USP6: variants seen among roughly 807,000 people sequenced by gnomAD.
USP6 encodes ubiquitin carboxyl-terminal hydrolase 6.
USP6 carries 128 observed loss-of-function variants against 175.7 expected under a neutral mutation model. The observed-to-expected ratio is 0.73, with a 90% CI of 0.63 to 0.84. USP6 has a LOEUF of 0.84. Among genes scored for constraint, USP6 ranks in the 40% least tolerant of loss-of-function variants. USP6 has a pLI of 0.00. For synonymous variants in USP6, 562 were observed against 630.6 expected, an observed-to-expected ratio of 0.89 and a Z score of 1.63; for missense variants, 1,498 against 1,760.3, an observed-to-expected ratio of 0.85 and a Z score of 2.67.
At chr17:5,163,441 G>A (rs4303608) in intron 33 of USP6, among the ~76,000 whole-genome samples, 72,639 of 151,848 alleles carry the variant, frequency 0.48, 20,167 homozygotes, top group Non-Finnish European at 0.64. Flanking sequence ...CTAACAGCCC[G>A]CTCTCTTGGA....
intron 22 of USP6, 89 bp downstream of exon 22, chr17:5,139,763 A>G: frequency 6.3e-7 from 1 of 1,595,846 alleles, no homozygotes; most frequent in Non-Finnish European, 8.5e-7. Flanking sequence ...CGACCGGGAT[A>G]CCTCCTTTGC....
chr17:5,123,041 G>A, intron 4 of USP6: 1 of 153,506 alleles, frequency 6.5e-6, no homozygotes, highest in South Asian at 1.8e-4. Flanking sequence ...GGGCGGCTGC[G>A]CAGGGCTGGA....
chr17:5,137,892 C>G (rs2073309537), intron 20 of USP6, 142 bp downstream of exon 20: 2 of 1,550,256 alleles, frequency 1.3e-6, no homozygotes, highest in Non-Finnish European at 1.7e-6. Context: ...GGGCAGGGCA[C>G]TGTGACACCG....
In USP6 at chr17:5,173,132, A is replaced by G; in HGVS notation, c.*154A>G. The G allele has an allele frequency of 1.0e-6, 1 of 1,004,206 alleles. No homozygotes were observed. Among genetic ancestry groups the G allele is most frequent in the Non-Finnish European group, 1.4e-6 (1 of 700,348 alleles). The allele number at this position is 1,004,206 out of a possible 1,614,324, so 62.2% of individuals were successfully genotyped here. ...AATTAAAATAGTTAACTTGAAGAGT[A>G]GAAACAATTGTATTTTGAAGTCTCA... On this transcript the variant is annotated 3_prime_UTR_variant, in exon 38 of 38. Transcript: ENST00000574788.
At chr17:5,138,015 A>C in intron 20 of USP6, 106 bp from the exon 21 acceptor site, 1 of 1,587,434 alleles carries the variant, frequency 6.3e-7, no homozygotes, top group Non-Finnish European at 8.6e-7. Flanking sequence ...TGGGGTGGCC[A>C]CAAAAGGATT....
At chr17:5,118,043 T>C (rs946430237) in intron 1 of USP6, among the ~76,000 whole-genome samples, 157 bp from the exon 2 acceptor site, 1 of 145,168 alleles carries the variant, frequency 6.9e-6, no homozygotes, top group African/African-American at 2.6e-5. Flanking sequence ...CACTCTAGCC[T>C]GGGCAACAGA....
At chr17:5,143,280 C>G (rs1312588569) in intron 25 of USP6, among the ~76,000 whole-genome samples, 2 of 152,212 alleles carry the variant, frequency 1.3e-5, no homozygotes, top group African/African-American at 4.8e-5. Context: ...GAGAACGGGC[C>G]ATGACGACAA....
At chr17:5,142,980 C>T (rs895794692) in intron 25 of USP6, among the ~76,000 whole-genome samples, 1 of 152,194 alleles carries the variant, frequency 6.6e-6, no homozygotes, top group African/African-American at 2.4e-5. Flanking sequence ...CACTTGAAGC[C>T]AGGAATTCAA....
intron 31 of USP6, among the ~76,000 whole-genome samples, chr17:5,157,162 C>T (rs184462523): frequency 3.9e-5 from 6 of 151,978 alleles, no homozygotes; most frequent in African/African-American, 9.7e-5. Flanking sequence ...CTTGGCTCAA[C>T]GCAACCTCCA....
At chr17:5,130,756 A>G (rs2073041601) in intron 11 of USP6, 72 bp downstream of exon 11, 1 of 1,575,746 alleles carries the variant, frequency 6.3e-7, no homozygotes, top group South Asian at 1.1e-5. Context: ...TGCTTTTAGA[A>G]AGGCCTTTCT....
chr17:5,132,959 G>T lies in USP6; in HGVS notation c.245G>T (p.Gly82Val). Residue 82 changes from glycine to valine, a missense_variant, in exon 13 of 38, where the codon GGA becomes GTA. Gly to Val is a moderately radical substitution (Grantham distance 109). Around this residue, in one of 2 missense-constraint regions of USP6, gnomAD observed 281 missense variants for 259.6 expected, o/e 1.08. Transcript: ENST00000574788. The surrounding 1 kb of genome is among the most constrained non-coding windows in gnomAD (Gnocchi z 4.7). ...TRTSKWMEMLGEWETYKHSSK... is the reference protein window; with the variant it reads ...TRTSKWMEMLVEWETYKHSSK... ...ACGAGCAAGTGGATGGAAATGCTGGGAGAATGGGAGACATATAAGCACAGT... is the reference window on the plus strand; with the variant it reads ...ACGAGCAAGTGGATGGAAATGCTGGTAGAATGGGAGACATATAAGCACAGT... 1 of 1,614,200 alleles carries T rather than the reference G, an allele frequency of 6.2e-7. No individual in the cohort carries two copies. Among genetic ancestry groups the T allele is most frequent in the Non-Finnish European group, 8.5e-7 (1 of 1,180,026 alleles).
Position 5,137,179 on chromosome 17 carries a change from T to C in USP6, c.818T>C (p.Ile273Thr), listed in dbSNP as rs1598015057. The C allele has an allele frequency of 2.5e-6, 4 of 1,613,048 alleles. No individual in the cohort carries two copies. Among genetic ancestry groups the C allele is most frequent in the African/African-American group, 2.7e-5 (2 of 75,032 alleles). The change falls in exon 19 of 38, where the codon ATT becomes ACT. Residue 273 changes from isoleucine to threonine, a missense_variant. By Grantham distance (89) the Ile-to-Thr change is moderately conservative. Coordinates refer to ENST00000574788, the MANE Select transcript of USP6 (RefSeq NM_001304284.2). ...TTAGGCTGCCTTCTCCGGAACCTGA[T>C]TGACGGGGTAAGGAGGCATAGGGAG... ...ASLGCLLRNL[I>T]DGISLGLTLR...
At chr17:5,133,329 C>T in intron 13 of USP6, 114 bp from the exon 14 acceptor site, 9 of 1,189,106 alleles carry the variant, frequency 7.6e-6, no homozygotes, top group East Asian at 4.7e-5. Context: ...AGCTTGATCT[C>T]GCCTCTACTG....
rs1215969838 is a variant in USP6 at position 5,135,215 on chromosome 17, C to T, written c.495-19C>T. The T allele has an allele frequency of 1.2e-6, 2 of 1,611,898 alleles. No individual in the cohort carries two copies. Among genetic ancestry groups the T allele is most frequent in the African/African-American group, 2.7e-5 (2 of 74,872 alleles). ...CATCTGCACAAACCAAACCATAGCCCCCTTTCTGTGTTTCCTAGGCAGAGG... is the reference window on the plus strand; with the variant it reads ...CATCTGCACAAACCAAACCATAGCCTCCTTTCTGTGTTTCCTAGGCAGAGG... On this transcript the variant is annotated intron_variant, in intron 15 of 37. Coordinates refer to ENST00000574788, the MANE Select transcript of USP6 (RefSeq NM_001304284.2).
intron 4 of USP6, among the ~76,000 whole-genome samples, chr17:5,122,525 TC>T (rs1276946870): frequency 2.0e-5 from 3 of 152,192 alleles, no homozygotes; most frequent in Non-Finnish European, 2.9e-5. Flanking sequence ...TCCTCTTAGT[TC>T]CTTGGCCCGC....
chr17:5,142,764 A>G (rs1241517385), intron 25 of USP6, among the ~76,000 whole-genome samples: 4 of 152,230 alleles, frequency 2.6e-5, no homozygotes, highest in African/African-American at 9.6e-5. Flanking sequence ...AACATCTTAT[A>G]TGAAGAGTAA....
In USP6 at chr17:5,161,798, C is replaced by G. The variant is rs369383303; in HGVS notation, c.2915+184C>G. 9.8e-5 allele frequency among the ~76,000 whole-genome samples: 15 copies of G among 152,286 alleles called. No homozygotes were observed. In the East Asian group the frequency reaches 1.9e-3, roughly 20 times the overall value. On this transcript the variant is annotated intron_variant, in intron 32 of 37. Coordinates refer to ENST00000574788, the MANE Select transcript of USP6 (RefSeq NM_001304284.2). Reference sequence around the variant, plus strand: ...TGAGAAGCCGAGGCGGGTGGATCACCTGAGATCAGGAGTTTGAGACCAGCC... The same window carrying G: ...TGAGAAGCCGAGGCGGGTGGATCACGTGAGATCAGGAGTTTGAGACCAGCC...
At chr17:5,167,264 T>C (rs1393441223) in intron 33 of USP6, among the ~76,000 whole-genome samples, 1 of 152,238 alleles carries the variant, frequency 6.6e-6, no homozygotes, top group East Asian at 1.9e-4. Flanking sequence ...GGCTTTCTGA[T>C]TAAAAATAAA....
intron 25 of USP6, among the ~76,000 whole-genome samples, chr17:5,143,242 G>T (rs1428343667): frequency 6.6e-6 from 1 of 152,190 alleles, no homozygotes; most frequent in African/African-American, 2.4e-5. Context: ...CCACCACCCC[G>T]TCTGGGAGGT....
Sources: gnomAD v4.1 joint callset for allele counts (sites outside exome capture counted in the v4.1 genomes callset) on GRCh38, gnomAD v4.1.1 for gene constraint, gnomAD v4.1.1 regional missense constraint, Gnocchi (gnomAD v3.1) non-coding constraint, MANE v1.5 for transcripts, NCBI Gene and HGNC (gene_info 2026-07-23, HGNC 2026-07-21) for gene names.